The following CTNNA2 variants were observed in gnomAD, a reference collection of about 807,000 sequenced individuals.
CTNNA2 encodes the protein catenin alpha-2.
A neutral mutation model predicts 101.0 loss-of-function variants in CTNNA2; 42 were observed. The observed-to-expected ratio is 0.42, with a 90% CI of 0.32 to 0.54. CTNNA2 has a LOEUF of 0.54. Ranked by LOEUF, CTNNA2 falls within the 20% of genes least tolerant of loss-of-function variation. The probability of loss-of-function intolerance (pLI) is 0.14; values close to 1 mark genes in which losing one functional copy is unlikely to be tolerated. For synonymous variants in CTNNA2, 450 were observed against 456.4 expected (o/e 0.99, Z 0.18); for missense variants, 871 against 1,223.1 (o/e 0.71, Z 4.29).
intron 7 of CTNNA2, among the ~76,000 whole-genome samples, chr2:79,972,159 T>G (rs1690531708): frequency 6.6e-6 from 1 of 152,206 alleles, no homozygotes; most frequent in Non-Finnish European, 1.5e-5. Flanking sequence ...TGGTTCAAAG[T>G]TAAGAGTCTG....
Position 79,575,698 on chromosome 2 carries a change from A to G in CTNNA2, c.-6+62491A>G, listed in dbSNP as rs189868867. The G allele has an allele frequency of 4.3e-4, 65 of 152,342 alleles. 1 individual carries two copies. The highest frequency in any genetic ancestry group is 1.5e-3 in the African/African-American group (62 of 41,590). 9.4% of individuals were successfully genotyped at this position (152,342 alleles called of 1,614,324 possible). On this transcript the variant is annotated intron_variant, in intron 1 of 18. Coordinates refer to ENST00000402739, the MANE Select transcript of CTNNA2 (RefSeq NM_001282597.3). The stretch of plus-strand genomic sequence containing the variant: ...GCTGCACATCGCAATACTCATCACA[A>G]TGCAGCTAAGTGCATGCAAAGTGTA...
chr2:79,490,904 G>T (rs1671201492), intron 4 of CTNNA2, among the ~76,000 whole-genome samples: 3 of 152,148 alleles, frequency 2.0e-5, no homozygotes, highest in South Asian at 2.1e-4. Flanking sequence ...GAATATAATT[G>T]CTATTTCCCC....
intron 2 of CTNNA2, among the ~76,000 whole-genome samples, chr2:79,298,984 C>G (rs1676045184): frequency 6.6e-6 from 1 of 152,228 alleles, no homozygotes; most frequent in African/African-American, 2.4e-5. Context: ...GATCTCTTAG[C>G]TCTTCATTTG....
At chr2:79,930,331 A>C (rs866628411) in intron 7 of CTNNA2, among the ~76,000 whole-genome samples, 2 of 145,226 alleles carry the variant, frequency 1.4e-5, no homozygotes, top group Admixed American at 1.4e-4. Flanking sequence ...AAAGAAAGAA[A>C]GAAAGAAAGA....
At chr2:80,214,408 G>T (rs1708116059) in intron 7 of CTNNA2, among the ~76,000 whole-genome samples, 1 of 152,066 alleles carries the variant, frequency 6.6e-6, no homozygotes, top group Non-Finnish European at 1.5e-5. Context: ...GGCAGGCCTG[G>T]TGGTGACAAA....
intron 3 of CTNNA2, among the ~76,000 whole-genome samples, chr2:79,836,239 A>ATG (rs1193851373): frequency 6.6e-6 from 1 of 152,060 alleles, no homozygotes. Context: ...AACCTTGACT[A>ATG]TGTTTAGTTC....
chr2:79,199,779 T>C (rs949444728), intron 2 of CTNNA2, among the ~76,000 whole-genome samples: 2 of 152,154 alleles, frequency 1.3e-5, no homozygotes, highest in African/African-American at 4.8e-5. Flanking sequence ...TCCTGGCTTA[T>C]AGAACTTAGA....
intron 7 of CTNNA2, among the ~76,000 whole-genome samples, chr2:80,290,971 T>C (rs1313808908): frequency 6.6e-6 from 1 of 152,226 alleles, no homozygotes. Context: ...GATTCAAGTA[T>C]TGAGGTTTCA....
chr2:79,858,995 T>C (rs1239882146), intron 4 of CTNNA2, among the ~76,000 whole-genome samples: 3 of 151,672 alleles, frequency 2.0e-5, no homozygotes, highest in African/African-American at 4.8e-5. Context: ...TTCAACACTT[T>C]AACAAAGATG....
chr2:79,409,343 C>A (rs1439502840), intron 4 of CTNNA2, among the ~76,000 whole-genome samples: 1 of 152,036 alleles, frequency 6.6e-6, no homozygotes, highest in Non-Finnish European at 1.5e-5. Flanking sequence ...GTTGCCATTG[C>A]TTTTGGTGTT....
intron 9 of CTNNA2, among the ~76,000 whole-genome samples, chr2:80,503,429 G>A (rs934080655): frequency 6.6e-6 from 1 of 152,026 alleles, no homozygotes; most frequent in Non-Finnish European, 1.5e-5. Flanking sequence ...TCATTTATTA[G>A]CATTATAGCC....
intron 1 of CTNNA2, chr2:79,634,452 G>A (rs1679885720): frequency 1.3e-5 from 2 of 152,204 alleles, no homozygotes; most frequent in Admixed American, 6.5e-5. Context: ...CATGTAATTG[G>A]TTCAATTTCG....
intron 12 of CTNNA2, chr2:80,572,822 C>A (rs935748280): frequency 5.4e-5 from 8 of 148,606 alleles, no homozygotes; most frequent in African/African-American, 1.8e-4. Context: ...TATAGTAATT[C>A]ATCCATAGAA....
At chr2:80,113,285 G>T (rs1433783022) in intron 7 of CTNNA2, among the ~76,000 whole-genome samples, 1 of 152,198 alleles carries the variant, frequency 6.6e-6, no homozygotes, top group Non-Finnish European at 1.5e-5. Flanking sequence ...TCTAATGACA[G>T]ATAACCAGTG....
chr2:80,310,215 A>T (rs1341874318), intron 7 of CTNNA2, among the ~76,000 whole-genome samples: 2 of 152,212 alleles, frequency 1.3e-5, no homozygotes, highest in Admixed American at 1.3e-4. Context: ...GGTCCAAAAA[A>T]ATAAAACTTT....
At chr2:79,392,781 C>G (rs976024451) in intron 4 of CTNNA2, among the ~76,000 whole-genome samples, 5 of 152,018 alleles carry the variant, frequency 3.3e-5, no homozygotes, top group African/African-American at 7.2e-5. Flanking sequence ...CTGTTTTTTC[C>G]TTATTACTCT....
rs142588541 is a variant in CTNNA2, at chr2:80,537,226, T to A, written c.1291-7756T>A. 1.0e-2 allele frequency among the ~76,000 whole-genome samples: 1,516 copies of A among 152,304 alleles called. 32 individuals are homozygous for A. The highest frequency in any genetic ancestry group is 0.034 in the African/African-American group (1,394 of 41,556). ...TTGCTGAGAATGATGGCTTTCAGCT[T>A]CATCCATGTCCCTGAAAAGAACATG... is the stretch of plus-strand genomic sequence containing the variant. On this transcript the variant is annotated intron_variant, in intron 9 of 18. Transcript: ENST00000402739.
intron 9 of CTNNA2, among the ~76,000 whole-genome samples, chr2:80,529,206 G>T (rs1254776002): frequency 6.6e-6 from 1 of 152,134 alleles, no homozygotes; most frequent in Non-Finnish European, 1.5e-5. Context: ...TTTCAGATTT[G>T]TAGGCCACAT....
At chr2:80,443,292 A>AT (rs1193438592) in intron 9 of CTNNA2, among the ~76,000 whole-genome samples, 1 of 152,188 alleles carries the variant, frequency 6.6e-6, no homozygotes, top group Non-Finnish European at 1.5e-5. Context: ...ACAAGGTGTG[A>AT]TTTTCAACCC....
Sources: allele counts gnomAD v4.1 joint callset (sites outside exome capture counted in the v4.1 genomes callset), GRCh38; gene constraint gnomAD v4.1.1; transcripts MANE v1.5; gene names NCBI Gene and HGNC (gene_info 2026-07-23, HGNC 2026-07-21).